Variants in SEMA6D observed in about 807,000 individuals in gnomAD.
SEMA6D encodes the protein semaphorin-6D.
Under a neutral mutation model 106.6 loss-of-function variants are expected in SEMA6D, and 35 were observed. That is an observed-to-expected ratio of 0.33 (90% CI 0.25 to 0.44). The LOEUF (loss-of-function observed/expected upper bound fraction) is 0.44. Among genes scored for constraint, SEMA6D ranks in the 20% least tolerant of loss-of-function variants. The probability of loss-of-function intolerance (pLI) is 1.00; values close to 1 mark genes in which losing one functional copy is unlikely to be tolerated. For missense variants in SEMA6D, 1,185 were observed against 1,345.9 expected (o/e 0.88, Z 1.87); for synonymous variants, 499 against 487.7 (o/e 1.02, Z -0.31).
chr15:47,718,454 C>T (rs1214539416), intron 1 of SEMA6D: 2 of 152,332 alleles, frequency 1.3e-5, no homozygotes, highest in African/African-American at 4.8e-5. Flanking sequence ...GCTCGGGTGA[C>T]TTGGCCATCC....
At chr15:47,494,792 T>TATATC (rs1485371997) in intron 3 of SEMA6D, among the ~76,000 whole-genome samples, 1 of 64,656 alleles carries the variant, frequency 1.5e-5, no homozygotes, top group Non-Finnish European at 3.1e-5. Context: ...ATATATATAA[T>TATATC]CTCCAGATAC....
chr15:47,651,213 C>T (rs1302506309), intron 4 of SEMA6D, among the ~76,000 whole-genome samples: 4 of 152,002 alleles, frequency 2.6e-5, no homozygotes, highest in Non-Finnish European at 4.4e-5. Flanking sequence ...AATATGAGAC[C>T]AGCCTGAGCA....
At position 47,770,606 on chromosome 15, in the gene SEMA6D, G is replaced by A. The variant is rs1164882591; in HGVS notation, c.2043G>A (p.Val681=). 1.2e-6 allele frequency: 2 copies of A among 1,613,966 alleles called. No individual in the cohort carries two copies. The highest frequency in any genetic ancestry group is 1.7e-6 in the Non-Finnish European group (2 of 1,179,954). The change falls in exon 19 of 19, where the codon GTG becomes GTA. Residue 681 remains valine, a synonymous_variant. Coordinates refer to ENST00000536845, the MANE Select transcript of SEMA6D (RefSeq NM_001358351.3). ...AFVLGAFIAG[V]AVYCYRDMFV... ...TTTTGGGGGCATTCATTGCAGGTGT[G>A]GCAGTATACTGCTATCGAGACATGT...
At chr15:47,467,213 G>A (rs916434839) in intron 2 of SEMA6D, among the ~76,000 whole-genome samples, 4 of 152,094 alleles carry the variant, frequency 2.6e-5, no homozygotes, top group African/African-American at 9.7e-5. Flanking sequence ...TAAAAGGCTT[G>A]TGCCCTCCCT....
At chr15:47,512,778 C>G (rs1228308491) in intron 3 of SEMA6D, among the ~76,000 whole-genome samples, 1 of 152,180 alleles carries the variant, frequency 6.6e-6, no homozygotes, top group Admixed American at 6.5e-5. Context: ...ATCATACAGT[C>G]TGACAGAATT....
chr15:47,737,868 T>C (rs755015556), intron 1 of SEMA6D, among the ~76,000 whole-genome samples: 2 of 152,190 alleles, frequency 1.3e-5, no homozygotes, highest in Non-Finnish European at 2.9e-5. Context: ...CAAATTATTT[T>C]CTAAAATGGT....
At chr15:47,346,134 C>T (rs2038036221) in intron 1 of SEMA6D, among the ~76,000 whole-genome samples, 1 of 152,084 alleles carries the variant, frequency 6.6e-6, no homozygotes, top group African/African-American at 2.4e-5. Context: ...AACACAAAGA[C>T]TTAGTTTAAA....
chr15:47,452,897 C>T (rs1496896), intron 2 of SEMA6D, among the ~76,000 whole-genome samples: 30,598 of 151,776 alleles, frequency 0.2, 3,691 homozygotes, highest in African/African-American at 0.32. Context: ...ACAGCATGAA[C>T]ATTTTTTATT....
At chr15:47,688,552 A>T (rs755010129) in intron 4 of SEMA6D, among the ~76,000 whole-genome samples, 1 of 152,224 alleles carries the variant, frequency 6.6e-6, no homozygotes, top group African/African-American at 2.4e-5. Flanking sequence ...GGTTTTATAG[A>T]GTATGAAAAG....
At chr15:47,577,947 T>C (rs111357088) in intron 3 of SEMA6D, among the ~76,000 whole-genome samples, 74 of 152,360 alleles carry the variant, frequency 4.9e-4, no homozygotes, top group African/African-American at 1.7e-3. Flanking sequence ...TAAAATATAG[T>C]ATTCTCATGT....
intron 3 of SEMA6D, among the ~76,000 whole-genome samples, chr15:47,542,166 A>T (rs2045374692): frequency 6.6e-6 from 1 of 152,210 alleles, no homozygotes; most frequent in Admixed American, 6.5e-5. Flanking sequence ...CTGTAATATT[A>T]GATCCTATTT....
chr15:47,469,837 T>G (rs2042777286), intron 2 of SEMA6D, among the ~76,000 whole-genome samples: 1 of 152,180 alleles, frequency 6.6e-6, no homozygotes, highest in African/African-American at 2.4e-5. Flanking sequence ...TATTATTTAC[T>G]TAAGATTTAC....
At chr15:47,477,665 A>T (rs1045568672) in intron 3 of SEMA6D, among the ~76,000 whole-genome samples, 3 of 150,300 alleles carry the variant, frequency 2.0e-5, no homozygotes, top group Admixed American at 6.6e-5. Flanking sequence ...TTTTTTGCCA[A>T]TTTTTTTTTT....
intron 3 of SEMA6D, among the ~76,000 whole-genome samples, chr15:47,568,392 A>G (rs944807908): frequency 6.6e-6 from 1 of 152,330 alleles, no homozygotes; most frequent in Middle Eastern, 3.4e-3. Context: ...GTGATGCAGT[A>G]CTGTTAAATA....
At chr15:47,398,642 A>G (rs1438057368) in intron 1 of SEMA6D, among the ~76,000 whole-genome samples, 1 of 152,212 alleles carries the variant, frequency 6.6e-6, no homozygotes, top group African/African-American at 2.4e-5. Flanking sequence ...GAGGGAAGAT[A>G]TCATAAATTT....
At position 47,245,908 on chromosome 15, in the gene SEMA6D, A is replaced by G. The variant is rs2033168353; in HGVS notation, c.-239+61490A>G. Among the ~76,000 whole-genome samples the G allele has an allele frequency of 2.0e-5, 3 of 152,266 alleles. No individual in the cohort carries two copies. The South Asian group carries it at 6.2e-4, about 32-fold the overall frequency. ...TGGTGTGAGTGGAGAGGATAAGGAC[A>G]CAGGGACATCACAGAATTAAAAAAA... On this transcript the variant is annotated intron_variant, in intron 1 of 19. Coordinates refer to the SEMA6D transcript ENST00000558014.
At chr15:47,663,447 C>T (rs2077966701) in intron 4 of SEMA6D, among the ~76,000 whole-genome samples, 1 of 152,106 alleles carries the variant, frequency 6.6e-6, no homozygotes. Context: ...TCTGAAGTAA[C>T]AAAATTAGGA....
chr15:47,193,544 T>C (rs1281333369), intron 1 of SEMA6D, among the ~76,000 whole-genome samples: 1 of 152,228 alleles, frequency 6.6e-6, no homozygotes, highest in East Asian at 1.9e-4. Context: ...TACTCTTCTC[T>C]GCTTAAAACC....
intron 3 of SEMA6D, chr15:47,527,589 A>G (rs2044805241): frequency 6.6e-6 from 1 of 152,232 alleles, no homozygotes; most frequent in Non-Finnish European, 1.5e-5. Flanking sequence ...AATAAGGAAG[A>G]TAATTTTGTA....
Sources: gnomAD v4.1 joint callset for allele counts (sites outside exome capture counted in the v4.1 genomes callset) on GRCh38, gnomAD v4.1.1 for gene constraint, MANE v1.5 for transcripts, NCBI Gene and HGNC (gene_info 2026-07-23, HGNC 2026-07-21) for gene names.